Variants in DIS3L2 observed in about 807,000 individuals in gnomAD.
DIS3L2 encodes DIS3-like exonuclease 2.
In DIS3L2, 34 loss-of-function variants were observed where a neutral mutation model predicts 97.5. The observed-to-expected ratio is 0.35, with a 90% CI of 0.27 to 0.46. The LOEUF (loss-of-function observed/expected upper bound fraction) is 0.46, where lower values mean the gene tolerates loss of function less well. Ranked by LOEUF, DIS3L2 falls within the 20% of genes least tolerant of loss-of-function variation. The probability of loss-of-function intolerance (pLI) is 1.00; values close to 1 mark genes in which losing one functional copy is unlikely to be tolerated. For missense variants in DIS3L2, 1,038 were observed against 1,146.0 expected (o/e 0.91, Z 1.36); for synonymous variants, 435 against 445.2 (o/e 0.98, Z 0.29).
chr2:232,176,754 A>AT, intron 9 of DIS3L2, among the ~76,000 whole-genome samples: 1 of 148,150 alleles, frequency 6.7e-6, no homozygotes, highest in South Asian at 2.1e-4. Flanking sequence ...ATGCCCGGCT[A>AT]TTTTTTTTTA....
At chr2:232,255,014 C>G (rs1044317442) in intron 12 of DIS3L2, among the ~76,000 whole-genome samples, 1 of 152,238 alleles carries the variant, frequency 6.6e-6, no homozygotes, top group Non-Finnish European at 1.5e-5. Context: ...ATGAGTATCT[C>G]TTACCCACAA....
intron 6 of DIS3L2, among the ~76,000 whole-genome samples, chr2:232,115,066 C>G (rs975434331): frequency 4.6e-5 from 7 of 152,054 alleles, no homozygotes; most frequent in Non-Finnish European, 8.8e-5. Context: ...CATGATAACC[C>G]ATTAATCCAT....
intron 1 of DIS3L2, among the ~76,000 whole-genome samples, chr2:231,979,785 C>G (rs1269550123): frequency 6.6e-6 from 1 of 152,054 alleles, no homozygotes; most frequent in Non-Finnish European, 1.5e-5. Context: ...ACCATGTTGG[C>G]CAGGATGGTC....
intron 6 of DIS3L2, among the ~76,000 whole-genome samples, chr2:232,105,243 T>C (rs1697327837): frequency 6.6e-6 from 1 of 152,252 alleles, no homozygotes; most frequent in Non-Finnish European, 1.5e-5. Context: ...CTGTTTTCAA[T>C]TCTTTTTATA....
At chr2:232,012,601 C>G (rs991680459) in intron 1 of DIS3L2, among the ~76,000 whole-genome samples, 1 of 152,202 alleles carries the variant, frequency 6.6e-6, no homozygotes, top group African/African-American at 2.4e-5. Flanking sequence ...GATCATGGAT[C>G]TGTCCTCACT....
chr2:232,339,768 G>C, downstream of DIS3L2: 1 of 454,902 alleles, frequency 2.2e-6, no homozygotes, highest in Non-Finnish European at 4.4e-6. Context: ...CCTTTTGGGA[G>C]CGCAGGCAGG....
At chr2:232,131,543 A>G (rs1402985174) in intron 7 of DIS3L2, 1 of 152,114 alleles carries the variant, frequency 6.6e-6, no homozygotes, top group Non-Finnish European at 1.5e-5. Context: ...CAGCCTCCCA[A>G]AGTGCTGGGA....
At chr2:232,308,808 G>T (rs1218691556) in intron 14 of DIS3L2, among the ~76,000 whole-genome samples, 1 of 152,194 alleles carries the variant, frequency 6.6e-6, no homozygotes, top group Non-Finnish European at 1.5e-5. Flanking sequence ...AGCCTGCTTG[G>T]CATCCCCCGG....
intron 1 of DIS3L2, among the ~76,000 whole-genome samples, chr2:232,013,522 C>G (rs1694270971): frequency 6.6e-6 from 1 of 152,168 alleles, no homozygotes; most frequent in South Asian, 2.1e-4. Context: ...AGTATGCTTT[C>G]CTCACACTCT....
intron 6 of DIS3L2, among the ~76,000 whole-genome samples, chr2:232,099,022 G>T (rs1453684382): frequency 6.6e-6 from 1 of 151,872 alleles, no homozygotes; most frequent in Non-Finnish European, 1.5e-5. Context: ...CTTTTGTTAA[G>T]TTTTGCCTTT....
intron 14 of DIS3L2, among the ~76,000 whole-genome samples, chr2:232,326,263 A>G (rs544701705): frequency 6.6e-6 from 1 of 152,242 alleles, no homozygotes; most frequent in Admixed American, 6.5e-5. Context: ...CTGGCCGCAG[A>G]TGAGAGCCCT....
chr2:232,341,978 C>T (rs1237537904), downstream of DIS3L2, among the ~76,000 whole-genome samples: 1 of 152,176 alleles, frequency 6.6e-6, no homozygotes, highest in Non-Finnish European at 1.5e-5. Context: ...CACAGGCAGT[C>T]CCATCAGCCC....
At chr2:232,034,316 C>T (rs1694892955) in intron 5 of DIS3L2, among the ~76,000 whole-genome samples, 1 of 151,924 alleles carries the variant, frequency 6.6e-6, no homozygotes, top group Admixed American at 6.6e-5. Flanking sequence ...GGTGATCTCC[C>T]CTTTATCATT....
chr2:232,247,640 G>GGGGGGGGGC (rs1693297783), intron 11 of DIS3L2, among the ~76,000 whole-genome samples: 1 of 81,178 alleles, frequency 1.2e-5, no homozygotes, highest in Non-Finnish European at 2.9e-5. Context: ...GGGGGGCGGG[G>GGGGGGGGGC]GGGAGGGTGC....
chr2:231,982,002 A>G (rs1299058726), intron 1 of DIS3L2, among the ~76,000 whole-genome samples: 2 of 151,110 alleles, frequency 1.3e-5, no homozygotes, highest in Non-Finnish European at 2.9e-5. Flanking sequence ...ACTGCACTCC[A>G]GTGTGGGTGA....
intron 5 of DIS3L2, among the ~76,000 whole-genome samples, chr2:232,069,151 AGT>A (rs1425635617): frequency 6.6e-6 from 1 of 152,128 alleles, no homozygotes; most frequent in African/African-American, 2.4e-5. Flanking sequence ...AGGATATTTA[AGT>A]GTGTTTCTAA....
chr2:232,120,259 C>T (rs3103268), intron 6 of DIS3L2, among the ~76,000 whole-genome samples: 141,324 of 152,254 alleles, frequency 0.93, 65,673 homozygotes, highest in East Asian at 1. Flanking sequence ...CCATCAATGC[C>T]GTTTGGATTC....
At chr2:232,064,104 T>TA (rs1695787748) in intron 5 of DIS3L2, among the ~76,000 whole-genome samples, 1 of 152,206 alleles carries the variant, frequency 6.6e-6, no homozygotes, top group Non-Finnish European at 1.5e-5. Flanking sequence ...TTACATATAG[T>TA]AAAAAATCAC....
chr2:232,052,889 G>A (rs1695448957), intron 5 of DIS3L2, among the ~76,000 whole-genome samples: 1 of 152,088 alleles, frequency 6.6e-6, no homozygotes, highest in Admixed American at 6.5e-5. Flanking sequence ...CTTCTGGGTG[G>A]TATTTGCATG....
Sources: allele counts gnomAD v4.1 joint callset (sites outside exome capture counted in the v4.1 genomes callset), GRCh38; gene constraint gnomAD v4.1.1; transcripts MANE v1.5; gene names NCBI Gene and HGNC (gene_info 2026-07-23, HGNC 2026-07-21).